The following MPRIP variants were observed in gnomAD, a reference collection of about 807,000 sequenced individuals.
MPRIP encodes the protein myosin phosphatase Rho interacting protein.
Under a neutral mutation model 234.9 loss-of-function variants are expected in MPRIP, and 59 were observed. That is an observed-to-expected ratio of 0.25 (90% CI 0.20 to 0.31). The LOEUF (loss-of-function observed/expected upper bound fraction) is 0.31. MPRIP is among the 10% of genes least tolerant of loss of function. The probability of loss-of-function intolerance (pLI) is 1.00; values close to 1 mark genes in which losing one functional copy is unlikely to be tolerated. For missense variants in MPRIP, 2,436 were observed against 3,071.0 expected, an observed-to-expected ratio of 0.79 and a Z score of 4.89; for synonymous variants, 1,144 against 1,263.9, an observed-to-expected ratio of 0.91 and a Z score of 2.01.
intron 5 of MPRIP, 129 bp from the exon 6 acceptor site, chr17:17,136,090 G>A: frequency 1.1e-6 from 1 of 913,000 alleles, no homozygotes. Flanking sequence ...GGCAGTATCT[G>A]AAGATTCCAG....
chr17:17,165,933 G>T lies in MPRIP; in HGVS notation c.4342G>T (p.Glu1448Ter). The change falls in exon 16 of 24, where the codon GAG (glutamate) becomes TAG (stop). Residue 1448 changes from glutamate (E) to a stop codon, truncating the protein, a stop_gained. Transcript: ENST00000651222. LOFTEE classifies it high-confidence loss of function. ...LQVGALASQL[E>*]QERQERARRV... ...GGTTGGCGCACTGGCCTCCCAGCTG[G>T]AGCAGGAGAGGCAGGAGAGGGCCAG... 1 of 1,304,172 alleles carries T rather than the reference G, an allele frequency of 7.7e-7. No homozygotes were observed. The highest frequency in any genetic ancestry group is 1.0e-6 in the Non-Finnish European group (1 of 988,812). The allele number at this position is 1,304,172 out of a possible 1,614,324, so 80.8% of individuals were successfully genotyped here. A position where few individuals can be genotyped will look rare whatever the true frequency, so the allele number is the denominator to read the frequency against.
rs180698649 is a variant in MPRIP at position 17,059,542 on chromosome 17, C to G, written c.124-16168C>G. 1.9e-3 allele frequency among the ~76,000 whole-genome samples: 284 copies of G among 152,342 alleles called. 2 individuals are homozygous for G. Among genetic ancestry groups the G allele is most frequent in the African/African-American group, 6.3e-3 (262 of 41,580 alleles). On this transcript the variant is annotated intron_variant, in intron 1 of 23. Transcript: ENST00000651222. ...CTCGGCTGTGGCTGTGTCAGCTTCC[C>G]ACAGACGGTGTCCCCTGACTTCCAT...
At position 17,180,667 on chromosome 17, in the gene MPRIP, G is replaced by A; in HGVS notation, c.7206+579G>A. On this transcript the variant is annotated intron_variant, in intron 23 of 23. Transcript: ENST00000651222. The stretch of plus-strand genomic sequence containing the variant: ...TGCACCCGCTTCCCGGCCCATGCAG[G>A]AGGTAAACCGCCTCTCCCACCGCCT... 4 of 1,613,194 alleles carry A rather than the reference G, an allele frequency of 2.5e-6. No homozygotes were observed. The Admixed American group carries it at 5.0e-5, about 20-fold the overall frequency.
At position 17,147,405 on chromosome 17, in the gene MPRIP, G is replaced by T; in HGVS notation, c.1629+18G>T. 2 of 1,613,602 alleles carry T rather than the reference G, an allele frequency of 1.2e-6. No homozygotes were observed. The highest frequency in any genetic ancestry group is 8.5e-7 in the Non-Finnish European group (1 of 1,179,524). Reference sequence around the variant, plus strand: ...CTGAGGAGGTGAGTGTCTGGGCTTTGCCTCTGCTGTGGAGACAGCTGGAGG... The same window carrying T: ...CTGAGGAGGTGAGTGTCTGGGCTTTTCCTCTGCTGTGGAGACAGCTGGAGG... On this transcript the variant is annotated intron_variant, in intron 11 of 23. Coordinates refer to ENST00000651222, the MANE Select transcript of MPRIP (RefSeq NM_001364716.4).
chr17:17,162,057 G>A (rs1567762853), intron 15 of MPRIP, among the ~76,000 whole-genome samples: 1 of 152,242 alleles, frequency 6.6e-6, no homozygotes. Context: ...TCCCCATTGA[G>A]TGGTAGAGGA....
chr17:17,082,270 C>T (rs2089478366), intron 3 of MPRIP, among the ~76,000 whole-genome samples: 1 of 140,910 alleles, frequency 7.1e-6, no homozygotes. Context: ...AAAAGCTGAT[C>T]AAATGCTTTT....
Position 17,159,141 on chromosome 17 carries a change from C to G in MPRIP, c.2400+139C>G. ...TGCAGACCCCTAGGGGAGACAGACG[C>G]ATAGATGAGTCCTCATAGTTGAGGC... On this transcript the variant is annotated intron_variant, in intron 14 of 23. Transcript: ENST00000651222. The G allele has an allele frequency of 3.6e-6, 3 of 840,408 alleles. No homozygotes were observed. The South Asian group carries it at 5.4e-5, about 15-fold the overall frequency. 52.1% of individuals were successfully genotyped at this position (840,408 alleles called of 1,614,324 possible). A position where few individuals can be genotyped will look rare whatever the true frequency, so the allele number is the denominator to read the frequency against.
intron 3 of MPRIP, among the ~76,000 whole-genome samples, chr17:17,123,410 G>A (rs1216750201): frequency 1.3e-5 from 2 of 152,260 alleles, no homozygotes; most frequent in South Asian, 4.1e-4. Context: ...CGCCTGTAAT[G>A]CCAGCACTGT....
At position 17,138,102 on chromosome 17, in the gene MPRIP, A is replaced by T; in HGVS notation, c.923A>T (p.Gln308Leu). 2.0e-6 allele frequency: 3 copies of T among 1,514,938 alleles called. No homozygotes were observed. The highest frequency in any genetic ancestry group is 2.7e-6 in the Non-Finnish European group (3 of 1,127,278). 93.8% of individuals were successfully genotyped at this position (1,514,938 alleles called of 1,614,324 possible). Reference protein sequence around the residue: ...HRYSCPESPSQELGGPLPSPG... With the variant: ...HRYSCPESPSLELGGPLPSPG... ...TACAGTTGCCCCGAGTCGCCCTCCC[A>T]GGAGCTCGGTGGTCCTCTTCCTTCC... Residue 308 changes from glutamine to leucine, a missense_variant, in exon 7 of 24, where the codon CAG (glutamine) becomes CTG (leucine). Physicochemically the swap from Gln to Leu is moderately radical, Grantham distance 113. This residue lies in a region of MPRIP where 267 missense variants were observed against 252.7 expected (regional missense o/e 1.06). Coordinates refer to ENST00000651222, the MANE Select transcript of MPRIP (RefSeq NM_001364716.4). This position sits in a 1 kb window ranked among gnomAD's most constrained non-coding sequence, Gnocchi z 5.8.
chr17:17,172,742 G>C lies in MPRIP; in HGVS notation c.6517G>C (p.Glu2173Gln). 1 of 1,612,102 alleles carries C rather than the reference G, an allele frequency of 6.2e-7. No individual in the cohort carries two copies. Among genetic ancestry groups the C allele is most frequent in the Non-Finnish European group, 8.5e-7 (1 of 1,180,022 alleles). Residue 2173 changes from glutamate to glutamine, a missense_variant, in exon 18 of 24, where the codon GAG becomes CAG. Coordinates refer to ENST00000651222, the MANE Select transcript of MPRIP (RefSeq NM_001364716.4). ...KNAHREEMER[E>Q]LEKSQRSQIS... ...CGCCCACCGGGAGGAAATGGAGCGG[G>C]AGCTGGAGAAGAGCCAGCGGTCCCA...
intron 3 of MPRIP, among the ~76,000 whole-genome samples, chr17:17,099,183 G>C (rs2089910045): frequency 1.3e-5 from 2 of 152,118 alleles, no homozygotes; most frequent in African/African-American, 4.8e-5. Flanking sequence ...AAAGCCATTT[G>C]CTTCTCCCTC....
chr17:17,086,843 C>T (rs146383310), intron 3 of MPRIP, among the ~76,000 whole-genome samples: 3 of 152,240 alleles, frequency 2.0e-5, no homozygotes, highest in East Asian at 3.9e-4. Context: ...TCTGTACCTC[C>T]GTGGGAGCTT....
At chr17:17,057,509 C>G in intron 1 of MPRIP, 1 of 687,614 alleles carries the variant, frequency 1.5e-6, no homozygotes, top group Non-Finnish European at 2.7e-6. Flanking sequence ...GTGCTGGGAG[C>G]TGCTGGCAGA....
chr17:17,137,512 CAA>C lies in MPRIP; in HGVS notation c.737-388_737-387del, dbSNP rs35313745. 1.7e-4 allele frequency among the ~76,000 whole-genome samples: 22 copies of C among 126,466 alleles called. 1 individual carries two copies. The highest frequency in any genetic ancestry group is 2.5e-4 in the South Asian group (1 of 3,990). The allele number at this position is 126,466 out of a possible 152,430, so 83.0% of individuals were successfully genotyped here. On this transcript the variant is annotated intron_variant, in intron 6 of 23. Coordinates refer to ENST00000651222, the MANE Select transcript of MPRIP (RefSeq NM_001364716.4). ...CTGGCGACAGAGCGAGATTGCATCT[CAA>C]AAAAAAAAAAAAAAATACTGAAGGG... is the stretch of plus-strand genomic sequence containing the variant.
intron 5 of MPRIP, among the ~76,000 whole-genome samples, chr17:17,134,270 T>C (rs1429817666): frequency 6.6e-6 from 1 of 152,186 alleles, no homozygotes. Flanking sequence ...AGCAAGGCTC[T>C]AGAGCAACTT....
At chr17:17,168,376 C>T in intron 16 of MPRIP, 1 of 237,430 alleles carries the variant, frequency 4.2e-6, no homozygotes, top group Non-Finnish European at 8.4e-6. Context: ...AGTTGGAGGG[C>T]AGTCTCCTCC....
intron 3 of MPRIP, among the ~76,000 whole-genome samples, chr17:17,096,537 G>A (rs1215898824): frequency 6.6e-6 from 1 of 152,144 alleles, no homozygotes; most frequent in Non-Finnish European, 1.5e-5. Context: ...CAGAAAGGTT[G>A]GAGGGAGAGG....
chr17:17,053,518 C>T (rs1354528462), intron 1 of MPRIP, among the ~76,000 whole-genome samples: 5 of 152,142 alleles, frequency 3.3e-5, no homozygotes, highest in Admixed American at 6.5e-5. Flanking sequence ...GTGTGGGACA[C>T]GGATCTTGCC....
rs1307390322 is a variant in MPRIP at position 17,186,671 on chromosome 17, A to T, written c.*1777A>T. 6.6e-6 allele frequency: 1 copy of T among 152,232 alleles called. No homozygotes were observed. Among genetic ancestry groups the T allele is most frequent in the Non-Finnish European group, 1.5e-5 (1 of 68,106 alleles). 9.4% of individuals were successfully genotyped at this position (152,232 alleles called of 1,614,324 possible). On this transcript the variant is annotated 3_prime_UTR_variant, in exon 24 of 24. Coordinates refer to ENST00000651222, the MANE Select transcript of MPRIP (RefSeq NM_001364716.4). ...GAGGTCGAGGCTGCAATCAGTCATGATCGTGTCACTGCACTCCAGCCTGGG... is the reference window on the plus strand; with the variant it reads ...GAGGTCGAGGCTGCAATCAGTCATGTTCGTGTCACTGCACTCCAGCCTGGG...
Sources: gnomAD v4.1 joint callset for allele counts (sites outside exome capture counted in the v4.1 genomes callset) on GRCh38, gnomAD v4.1.1 for gene constraint, gnomAD v4.1.1 regional missense constraint, Gnocchi (gnomAD v3.1) non-coding constraint, MANE v1.5 for transcripts, NCBI Gene and HGNC (gene_info 2026-07-23, HGNC 2026-07-21) for gene names.